EPS8L2: variants seen among roughly 807,000 people sequenced by gnomAD.
EPS8L2 encodes the protein EPS8 signaling adaptor L2.
In EPS8L2, 81 loss-of-function variants were observed where a neutral mutation model predicts 99.4. That is an observed-to-expected ratio of 0.82 (90% CI 0.68 to 0.98). The LOEUF is 0.98. Ranked by LOEUF, EPS8L2 falls within the 50% of genes least tolerant of loss-of-function variation. EPS8L2 has a pLI of 0.00. For synonymous variants in EPS8L2, 509 were observed against 407.3 expected, an observed-to-expected ratio of 1.25 and a Z score of -3.01; for missense variants, 1,155 against 968.8, an observed-to-expected ratio of 1.19 and a Z score of -2.55.
rs532564936 is a variant in EPS8L2, at chr11:710,240, G to T, written c.101-182G>T. ...GTCCTTCTCCAAGGGGGCTTCCCTG[G>T]AGGGAGGGAGGGGGCTTCCTGCAGG... On this transcript the variant is annotated intron_variant, in intron 3 of 20. Transcript: ENST00000318562. 7.1e-5 allele frequency: 43 copies of T among 606,602 alleles called. No homozygotes were observed. In the South Asian group the frequency reaches 8.0e-4, roughly 11 times the overall value. 37.6% of individuals were successfully genotyped at this position (606,602 alleles called of 1,614,324 possible).
At chr11:723,181 C>A in intron 14 of EPS8L2, 60 bp from the exon 15 acceptor site, 2 of 834,384 alleles carry the variant, frequency 2.4e-6, no homozygotes, top group Non-Finnish European at 4.0e-6. Context: ...TCATATGCCC[C>A]CTCGTCCTGG....
intron 4 of EPS8L2, among the ~76,000 whole-genome samples, chr11:713,249 T>C (rs1191505573): frequency 6.6e-6 from 1 of 152,222 alleles, no homozygotes; most frequent in African/African-American, 2.4e-5. Context: ...AAAAGCCATG[T>C]GTACGTGGGG....
chr11:725,951 G>A (rs1862305323), intron 17 of EPS8L2, 104 bp downstream of exon 17: 2 of 1,376,984 alleles, frequency 1.5e-6, no homozygotes, highest in African/African-American at 3.0e-5. Flanking sequence ...GGAGAGACTG[G>A]GGCAGGTGCA....
At position 727,328 on chromosome 11, in the gene EPS8L2, A is replaced by C; in HGVS notation, c.*347A>C. 2 of 198,212 alleles carry C rather than the reference A, an allele frequency of 1.0e-5. No individual in the cohort carries two copies. The highest frequency in any genetic ancestry group is 8.5e-5 in the South Asian group (1 of 11,804). The allele number at this position is 198,212 out of a possible 1,614,324, so 12.3% of individuals were successfully genotyped here. ...GCCCCTGTGATGCTCCCCCATCCCCACCCACTTCTACATCCATCCACACCC... is the reference window on the plus strand; with the variant it reads ...GCCCCTGTGATGCTCCCCCATCCCCCCCCACTTCTACATCCATCCACACCC... On this transcript the variant is annotated 3_prime_UTR_variant, in exon 21 of 21. Coordinates refer to ENST00000318562, the MANE Select transcript of EPS8L2 (RefSeq NM_022772.4).
At chr11:718,313 A>G (rs1862071735) in intron 4 of EPS8L2, among the ~76,000 whole-genome samples, 1 of 152,070 alleles carries the variant, frequency 6.6e-6, no homozygotes, top group African/African-American at 2.4e-5. Flanking sequence ...AGCCTGGGGG[A>G]CAGAGCGAGA....
intron 4 of EPS8L2, among the ~76,000 whole-genome samples, chr11:711,269 C>CGTGTGT (rs201018308): frequency 5.1e-5 from 6 of 117,272 alleles, no homozygotes; most frequent in Admixed American, 9.2e-5. Flanking sequence ...TGCGTGCGTG[C>CGTGTGT]GTGTGTGTGT....
intron 1 of EPS8L2, among the ~76,000 whole-genome samples, chr11:707,624 C>T (rs754049292): frequency 6.6e-6 from 1 of 152,090 alleles, no homozygotes; most frequent in African/African-American, 2.4e-5. Context: ...GGGGCTCCCA[C>T]AGGGCAGGAG....
chr11:720,256 C>G (rs758245945), intron 5 of EPS8L2, 33 bp downstream of exon 5: 3 of 1,609,406 alleles, frequency 1.9e-6, no homozygotes, highest in Admixed American at 1.7e-5. Context: ...ACAGGGAGCA[C>G]AGTGGGTAGA....
At chr11:726,232 G>A (rs1384551521) in intron 18 of EPS8L2, 62 bp downstream of exon 18, 3 of 1,460,140 alleles carry the variant, frequency 2.1e-6, no homozygotes, top group Non-Finnish European at 2.8e-6. Flanking sequence ...GAGGAAGTGT[G>A]GGGGGGGTCC....
At chr11:709,294 G>A (rs909014769) in intron 1 of EPS8L2, 36 bp from the exon 2 acceptor site, 17 of 1,283,954 alleles carry the variant, frequency 1.3e-5, no homozygotes, top group Admixed American at 6.1e-5. Context: ...CAGCCAGGCC[G>A]GAGGAAGTGT....
intron 1 of EPS8L2, 181 bp from the exon 2 acceptor site, chr11:709,149 C>T (rs1043013896): frequency 5.8e-4 from 249 of 427,616 alleles, no homozygotes; most frequent in Non-Finnish European, 1.6e-4. Flanking sequence ...CGAGGCTGAT[C>T]GACTGTCAAC....
Position 724,238 on chromosome 11 carries a change from G to A in EPS8L2, c.1455-486G>A, listed in dbSNP as rs527692809. ...CCCCTCAGCCAGGGCCAGCCCCCCCGCGCTTTTGAGGTGCAGGTCCCACCC... is the reference window on the plus strand; with the variant it reads ...CCCCTCAGCCAGGGCCAGCCCCCCCACGCTTTTGAGGTGCAGGTCCCACCC... On this transcript the variant is annotated intron_variant, in intron 15 of 20. Transcript: ENST00000318562. This position sits in a 1 kb window ranked among gnomAD's most constrained non-coding sequence, Gnocchi z 5.5. 2.2e-4 allele frequency among the ~76,000 whole-genome samples: 33 copies of A among 152,214 alleles called. 2 individuals carry two copies. The highest frequency in any genetic ancestry group is 6.5e-4 in the African/African-American group (27 of 41,526).
intron 4 of EPS8L2, among the ~76,000 whole-genome samples, chr11:719,451 G>T (rs949427188): frequency 3.3e-5 from 5 of 152,246 alleles, no homozygotes; most frequent in African/African-American, 1.2e-4. Context: ...AAGAGGAGAG[G>T]TGAAGGGCAC....
Position 727,194 on chromosome 11 carries a change from C to A in EPS8L2, c.*213C>A, listed in dbSNP as rs1254538426. The A allele has an allele frequency of 1.8e-5, 9 of 497,160 alleles. No homozygotes were observed. The highest frequency in any genetic ancestry group is 5.3e-4 in the Middle Eastern group (1 of 1,904). 30.8% of individuals were successfully genotyped at this position (497,160 alleles called of 1,614,324 possible). A position where few individuals can be genotyped will look rare whatever the true frequency, so the allele number is the denominator to read the frequency against. On this transcript the variant is annotated 3_prime_UTR_variant, in exon 21 of 21. Transcript: ENST00000318562. ...CACACCAAGACTAATCTCAGCCAAA[C>A]CTGCTGCTTGGTGGTGCCAGCCCCT...
rs1223773399 is a variant in EPS8L2, at chr11:725,853, C to A, written c.1680+6C>A. 4 of 1,377,884 alleles carry A rather than the reference C, an allele frequency of 2.9e-6. No individual in the cohort carries two copies. Among genetic ancestry groups the A allele is most frequent in the Non-Finnish European group, 3.7e-6 (4 of 1,072,420 alleles). The allele number at this position is 1,377,884 out of a possible 1,614,324, so 85.4% of individuals were successfully genotyped here. On this transcript the variant is annotated splice_donor_region_variant and intron_variant, in intron 17 of 20. Coordinates refer to ENST00000318562, the MANE Select transcript of EPS8L2 (RefSeq NM_022772.4). ...CCGGCGCCCCGTTCGAGCAGGTGAG[C>A]CCGCGGGGGTCCCTGGGGTCGCAGC...
intron 14 of EPS8L2, 79 bp downstream of exon 14, chr11:722,884 C>A: frequency 1.1e-6 from 1 of 911,006 alleles, no homozygotes; most frequent in Non-Finnish European, 1.6e-6. Context: ...AGCCCTGACA[C>A]CCACCCCTCC....
intron 4 of EPS8L2, among the ~76,000 whole-genome samples, chr11:713,790 C>T (rs918130805): frequency 1.4e-4 from 21 of 152,234 alleles, no homozygotes; most frequent in African/African-American, 4.8e-4. Flanking sequence ...AATTGATCCA[C>T]CCACCTCAGC....
In EPS8L2 at chr11:720,722, C is replaced by G; in HGVS notation, c.453C>G (p.His151Gln). Reference protein sequence around the residue: ...QDSEQSKPDVHFFHCDEVEAE... With the variant: ...QDSEQSKPDVQFFHCDEVEAE... ...CGGAGCAGAGCAAGCCGGATGTCCA[C>G]TTCTTCCACTGCGATGAGGTGGAGG... The change falls in exon 6 of 21, where the codon CAC becomes CAG. Residue 151 changes from histidine to glutamine, a missense_variant. His to Gln is a conservative substitution (Grantham distance 24). Transcript: ENST00000318562. The G allele has an allele frequency of 2.5e-6, 4 of 1,584,008 alleles. No homozygotes were observed. The highest frequency in any genetic ancestry group is 3.4e-6 in the Non-Finnish European group (4 of 1,165,990).
At position 722,533 on chromosome 11, in the gene EPS8L2, A is replaced by C; in HGVS notation, c.1192A>C (p.Ser398Arg). ...GTCGCTGTGGGAGTCACTGGGAGAG[A>C]GCTGGATGCGGCCCCGGTAGGGCAG... The part of the protein sequence containing the change: ...EMSLWESLGE[S>R]WMRPRSEWPR... The change falls in exon 13 of 21, where the codon AGC becomes CGC. Residue 398 changes from serine (S) to arginine (R), a missense_variant. Transcript: ENST00000318562. The C allele has an allele frequency of 2.5e-6, 4 of 1,612,802 alleles. No individual in the cohort carries two copies. The highest frequency in any genetic ancestry group is 3.4e-6 in the Non-Finnish European group (4 of 1,179,810).
Sources: gnomAD v4.1 joint callset for allele counts (sites outside exome capture counted in the v4.1 genomes callset) on GRCh38, gnomAD v4.1.1 for gene constraint, Gnocchi (gnomAD v3.1) non-coding constraint, MANE v1.5 for transcripts, NCBI Gene and HGNC (gene_info 2026-07-23, HGNC 2026-07-21) for gene names.